Variants in YAF2 observed in about 807,000 individuals in gnomAD.
YAF2 encodes the protein YY1-associated factor 2.
In YAF2, 7 loss-of-function variants were observed where a neutral mutation model predicts 20.1. The ratio of observed to expected loss-of-function variants is 0.35; its 90% CI spans 0.20 to 0.65. YAF2 has a LOEUF of 0.65. Ranked by LOEUF, YAF2 falls within the 30% of genes least tolerant of loss-of-function variation. YAF2 has a pLI of 0.69. For missense variants in YAF2, 151 were observed against 219.2 expected, an observed-to-expected ratio of 0.69 and a Z score of 1.96; for synonymous variants, 74 against 76.0, an observed-to-expected ratio of 0.97 and a Z score of 0.14.
At chr12:42,234,163 T>A in intron 2 of YAF2, 1 of 960,786 alleles carries the variant, frequency 1.0e-6, no homozygotes, top group Non-Finnish European at 1.2e-6. Context: ...AGAGCAAGAC[T>A]GTCTCAAATT....
rs59476115 is a variant in YAF2 at position 42,175,740 on chromosome 12, C to CAAAAAAA, written c.153-13982_153-13976dup. Among the ~76,000 whole-genome samples, 224 of 44,978 alleles carry CAAAAAAA rather than the reference C, an allele frequency of 5.0e-3. 12 individuals are homozygous for CAAAAAAA. Among genetic ancestry groups the CAAAAAAA allele is most frequent in the East Asian group, 0.034 (44 of 1,282 alleles). The allele number at this position is 44,978 out of a possible 152,430, so 29.5% of individuals were successfully genotyped here. ...CTGGCGACAGAGCAAGACTCTGTCTCAAAAAAAAAAAAAAAAAAAAAAAAA... is the reference window on the plus strand; with the variant it reads ...CTGGCGACAGAGCAAGACTCTGTCTCAAAAAAAAAAAAAAAAAAAAAAAAAAAAAAAA... On this transcript the variant is annotated intron_variant, in intron 2 of 3. Coordinates refer to ENST00000534854, the MANE Select transcript of YAF2 (RefSeq NM_005748.6).
chr12:42,216,142 G>C (rs1592024458), intron 2 of YAF2, among the ~76,000 whole-genome samples: 1 of 152,006 alleles, frequency 6.6e-6, no homozygotes, highest in Middle Eastern at 3.4e-3. Context: ...ATATCCTTGG[G>C]AAACAAAGTT....
intron 1 of YAF2, 64 bp from the exon 2 acceptor site, chr12:42,237,788 G>C: frequency 5.0e-6 from 6 of 1,188,640 alleles, no homozygotes; most frequent in Non-Finnish European, 6.3e-6. Context: ...CCGGTGCCCG[G>C]GCCCCGCGGC....
At chr12:42,229,384 T>A (rs1441540727) in intron 2 of YAF2, among the ~76,000 whole-genome samples, 1 of 129,566 alleles carries the variant, frequency 7.7e-6, no homozygotes, top group Non-Finnish European at 1.6e-5. Flanking sequence ...TCCCCCTCTG[T>A]GAGAAACACC....
chr12:42,234,853 T>C (rs2068096123), intron 2 of YAF2: 1 of 684,148 alleles, frequency 1.5e-6, no homozygotes. Context: ...CCACACATGG[T>C]GGTGTGCATC....
intron 2 of YAF2, among the ~76,000 whole-genome samples, chr12:42,221,618 A>C (rs2067517328): frequency 6.6e-6 from 1 of 152,170 alleles, no homozygotes; most frequent in Non-Finnish European, 1.5e-5. Context: ...CACACTGATC[A>C]ACTACTGACC....
chr12:42,166,115 G>A (rs1334482230), intron 2 of YAF2, among the ~76,000 whole-genome samples: 1 of 152,030 alleles, frequency 6.6e-6, no homozygotes, highest in African/African-American at 2.4e-5. Flanking sequence ...GTTTCACCAT[G>A]TTGGCCAGGC....
chr12:42,205,199 AC>A (rs1465301054), intron 2 of YAF2, among the ~76,000 whole-genome samples: 4 of 151,934 alleles, frequency 2.6e-5, no homozygotes, highest in Admixed American at 1.3e-4. Flanking sequence ...AAATTTATAT[AC>A]ATATAAATTA....
chr12:42,198,140 A>T (rs1051663798), intron 2 of YAF2, among the ~76,000 whole-genome samples: 4 of 152,164 alleles, frequency 2.6e-5, no homozygotes, highest in African/African-American at 9.7e-5. Context: ...TCATGTAAGG[A>T]ATCTTTCTGG....
At chr12:42,197,469 C>T (rs560740514) in intron 2 of YAF2, among the ~76,000 whole-genome samples, 2 of 152,360 alleles carry the variant, frequency 1.3e-5, no homozygotes, top group Non-Finnish European at 2.9e-5. Context: ...CCTGCCACTG[C>T]TAATTCCACA....
At chr12:42,225,160 T>C (rs1341036593) in intron 2 of YAF2, among the ~76,000 whole-genome samples, 2 of 152,264 alleles carry the variant, frequency 1.3e-5, no homozygotes, top group Non-Finnish European at 2.9e-5. Flanking sequence ...GCTGCATAAA[T>C]GTCTTCTTTT....
At chr12:42,197,664 T>C (rs2066789203) in intron 2 of YAF2, among the ~76,000 whole-genome samples, 1 of 152,144 alleles carries the variant, frequency 6.6e-6, no homozygotes, top group Non-Finnish European at 1.5e-5. Flanking sequence ...AGAATGGGTG[T>C]AGAAATTAAA....
chr12:42,166,625 A>G (rs187737911), intron 2 of YAF2, among the ~76,000 whole-genome samples: 1 of 152,308 alleles, frequency 6.6e-6, no homozygotes, highest in Admixed American at 6.5e-5. Flanking sequence ...AAAAATGAAC[A>G]AGGATATTGT....
intron 2 of YAF2, among the ~76,000 whole-genome samples, chr12:42,166,342 C>T (rs1015751154): frequency 6.6e-6 from 1 of 152,192 alleles, no homozygotes; most frequent in African/African-American, 2.4e-5. Flanking sequence ...ATTCTCTCTG[C>T]TTCAGAATTA....
intron 2 of YAF2, among the ~76,000 whole-genome samples, chr12:42,166,318 T>C (rs2065916400): frequency 6.6e-6 from 1 of 152,234 alleles, no homozygotes; most frequent in Non-Finnish European, 1.5e-5. Context: ...TCATAATTTC[T>C]TGAAGAGACA....
intron 2 of YAF2, among the ~76,000 whole-genome samples, chr12:42,177,375 G>A (rs1448098844): frequency 2.0e-5 from 3 of 152,108 alleles, no homozygotes; most frequent in East Asian, 1.9e-4. Context: ...GTAGGGTTCC[G>A]CTTCTACTCA....
chr12:42,200,498 AAAC>A (rs566860146), intron 2 of YAF2, among the ~76,000 whole-genome samples: 14 of 152,310 alleles, frequency 9.2e-5, no homozygotes, highest in African/African-American at 3.1e-4. Flanking sequence ...ATGAAGATTA[AAAC>A]AACAAAGGTC....
intron 2 of YAF2, among the ~76,000 whole-genome samples, chr12:42,171,697 T>A (rs1341498348): frequency 1.3e-5 from 2 of 152,008 alleles, no homozygotes; most frequent in Non-Finnish European, 2.9e-5. Flanking sequence ...CTCACGCCTA[T>A]AATCCTAACA....
intron 2 of YAF2, chr12:42,231,681 T>C (rs1277014425): frequency 1.3e-5 from 2 of 152,202 alleles, no homozygotes; most frequent in East Asian, 3.8e-4. Context: ...ATGCGTAGCT[T>C]CCAAATGCTG....
Sources: gnomAD v4.1 joint callset for allele counts (sites outside exome capture counted in the v4.1 genomes callset) on GRCh38, gnomAD v4.1.1 for gene constraint, MANE v1.5 for transcripts, NCBI Gene and HGNC (gene_info 2026-07-23, HGNC 2026-07-21) for gene names.